Variants in AKAP13 observed in about 807,000 individuals in gnomAD.
The protein encoded by AKAP13 is A-kinase anchor protein 13.
In AKAP13, 80 loss-of-function variants were observed where a neutral mutation model predicts 264.5. The observed-to-expected ratio is 0.30, with a 90% CI of 0.25 to 0.36. The LOEUF is 0.36. Ranked by LOEUF, AKAP13 falls within the 10% of genes least tolerant of loss-of-function variation. The pLI is 1.00. For synonymous variants in AKAP13, 1,380 were observed against 1,250.2 expected, an observed-to-expected ratio of 1.10 and a Z score of -2.19; for missense variants, 3,712 against 3,435.2, an observed-to-expected ratio of 1.08 and a Z score of -2.01.
chr15:85,472,918 T>C (rs1285238350), intron 1 of AKAP13, among the ~76,000 whole-genome samples: 1 of 152,238 alleles, frequency 6.6e-6, no homozygotes, highest in Non-Finnish European at 1.5e-5. Context: ...TGTGACACTT[T>C]AAATATTTAA....
intron 1 of AKAP13, among the ~76,000 whole-genome samples, chr15:85,441,219 C>G (rs79579754): frequency 2.1e-5 from 3 of 146,300 alleles, no homozygotes; most frequent in Non-Finnish European, 4.7e-5. Context: ...TTTTAATGGC[C>G]GTTCTGGTGG....
intron 2 of AKAP13, among the ~76,000 whole-genome samples, chr15:85,497,336 C>G (rs2075899575): frequency 6.6e-6 from 1 of 152,184 alleles, no homozygotes; most frequent in Non-Finnish European, 1.5e-5. Context: ...TGTTGGAGTG[C>G]TGCTAGACGA....
intron 5 of AKAP13, among the ~76,000 whole-genome samples, chr15:85,569,006 G>A (rs1384259165): frequency 6.6e-6 from 1 of 152,184 alleles, no homozygotes; most frequent in Non-Finnish European, 1.5e-5. Flanking sequence ...AGCTGAATGG[G>A]GGAAGCATTG....
chr15:85,546,726 T>G (rs922087800), intron 5 of AKAP13, among the ~76,000 whole-genome samples: 4 of 152,026 alleles, frequency 2.6e-5, no homozygotes, highest in African/African-American at 9.7e-5. Context: ...CAATGTATGA[T>G]GCTATCTTTC....
At chr15:85,658,065 T>A (rs2083181062) in intron 11 of AKAP13, among the ~76,000 whole-genome samples, 1 of 152,182 alleles carries the variant, frequency 6.6e-6, no homozygotes, top group Non-Finnish European at 1.5e-5. Context: ...CTTTTCATCC[T>A]GCATAATGTC....
At chr15:85,731,171 A>G (rs1257281604) in intron 30 of AKAP13, among the ~76,000 whole-genome samples, 2 of 151,644 alleles carry the variant, frequency 1.3e-5, no homozygotes, top group Non-Finnish European at 2.9e-5. Flanking sequence ...ACACCCAGCT[A>G]ATTTTTGTAT....
Position 85,407,559 on chromosome 15 carries a change from T to C in AKAP13, c.-12+26761T>C, listed in dbSNP as rs143971210. ...CCGGCCTGTGCTGGGTCTTAAAGCA[T>C]GAGTAGGAATTTGCCAGGCCTGGGT... On this transcript the variant is annotated intron_variant, in intron 1 of 36. Coordinates refer to ENST00000394518, the MANE Select transcript of AKAP13 (RefSeq NM_007200.5). Among the ~76,000 whole-genome samples, 749 of 151,502 alleles carry C rather than the reference T, an allele frequency of 4.9e-3. 6 individuals carry two copies. Among genetic ancestry groups the C allele is most frequent in the Admixed American group, 7.5e-3 (114 of 15,240 alleles).
At chr15:85,613,691 A>AAAAAATATATATATATATAT (rs1313187436) in intron 8 of AKAP13, among the ~76,000 whole-genome samples, 28 of 91,948 alleles carry the variant, frequency 3.0e-4, no homozygotes, top group African/African-American at 1.2e-3. Context: ...AAAAAAAAAA[A>AAAAAATATATATATATATAT]ATATATATAT....
At chr15:85,518,419 G>A (rs576816572) in intron 2 of AKAP13, among the ~76,000 whole-genome samples, 132 of 152,224 alleles carry the variant, frequency 8.7e-4, no homozygotes, top group African/African-American at 3.1e-3. Flanking sequence ...AGGTGCCTTC[G>A]GAATCTAAAT....
chr15:85,540,604 G>C (rs572869975), intron 4 of AKAP13, among the ~76,000 whole-genome samples: 1 of 152,290 alleles, frequency 6.6e-6, no homozygotes, highest in South Asian at 2.1e-4. Flanking sequence ...AGAGAAAAGG[G>C]AACAGAGATT....
intron 9 of AKAP13, 38 bp from the exon 10 acceptor site, chr15:85,645,780 T>TG (rs1567172787): frequency 1.9e-6 from 3 of 1,541,260 alleles, no homozygotes; most frequent in Middle Eastern, 1.8e-4. Context: ...TTTTTGTTTT[T>TG]TTTTTTTCAA....
At chr15:85,605,773 A>G (rs529923788) in intron 8 of AKAP13, among the ~76,000 whole-genome samples, 1 of 152,242 alleles carries the variant, frequency 6.6e-6, no homozygotes, top group South Asian at 2.1e-4. Context: ...TTTATATTTT[A>G]AAAAAGCATT....
At chr15:85,686,167 ATGTG>A (rs1260899169) in intron 16 of AKAP13, among the ~76,000 whole-genome samples, 1 of 105,534 alleles carries the variant, frequency 9.5e-6, no homozygotes, top group East Asian at 2.3e-4. Flanking sequence ...GTGTGTGTGT[ATGTG>A]TGTGTGTGCA....
intron 1 of AKAP13, among the ~76,000 whole-genome samples, chr15:85,465,261 T>A (rs2151010015): frequency 6.6e-6 from 1 of 152,208 alleles, no homozygotes; most frequent in African/African-American, 2.4e-5. Context: ...CAGGCATTAA[T>A]TACTTTTTAA....
intron 10 of AKAP13, among the ~76,000 whole-genome samples, chr15:85,646,273 G>A (rs1442805298): frequency 1.3e-5 from 2 of 152,094 alleles, no homozygotes; most frequent in African/African-American, 4.8e-5. Context: ...TCAGGAGTTC[G>A]AGACCAGCCT....
chr15:85,695,636 T>C (rs1360891112), intron 17 of AKAP13, among the ~76,000 whole-genome samples: 2 of 152,200 alleles, frequency 1.3e-5, no homozygotes, highest in Non-Finnish European at 2.9e-5. Context: ...AGCAACACTA[T>C]TTGTTTTACT....
chr15:85,563,602 C>T (rs572567228), intron 5 of AKAP13, among the ~76,000 whole-genome samples: 2 of 152,056 alleles, frequency 1.3e-5, no homozygotes, highest in Admixed American at 6.6e-5. Flanking sequence ...CTGTGGGCAC[C>T]GCATGAACTG....
intron 1 of AKAP13, among the ~76,000 whole-genome samples, chr15:85,399,535 A>AAAAAAAAAAAAAAAATAAATAAAT (rs1567038735): frequency 9.5e-6 from 1 of 105,596 alleles, no homozygotes; most frequent in Non-Finnish European, 1.8e-5. Flanking sequence ...AAAAAATAAA[A>AAAAAAAAAAAAAAAATAAATAAAT]AAATAAATAA....
intron 8 of AKAP13, among the ~76,000 whole-genome samples, chr15:85,633,801 C>T (rs1173466441): frequency 6.6e-6 from 1 of 151,838 alleles, no homozygotes; most frequent in Non-Finnish European, 1.5e-5. Flanking sequence ...ACCTCGGCCT[C>T]CCAAAGTGCT....
Sources: allele counts gnomAD v4.1 joint callset (sites outside exome capture counted in the v4.1 genomes callset), GRCh38; gene constraint gnomAD v4.1.1; transcripts MANE v1.5; gene names NCBI Gene and HGNC (gene_info 2026-07-23, HGNC 2026-07-21).